Variants in TSPEAR observed in about 807,000 individuals in gnomAD.
TSPEAR encodes thrombospondin-type laminin G domain and EAR repeat-containing protein.
In TSPEAR, 69 loss-of-function variants were observed where a neutral mutation model predicts 71.6. That is an observed-to-expected ratio of 0.96 (90% CI 0.79 to 1.18). TSPEAR has a LOEUF of 1.18. TSPEAR is among the 50% of genes most tolerant of loss of function. The pLI, the probability that TSPEAR is intolerant of heterozygous loss-of-function variation, is 0.00. For missense variants in TSPEAR, 971 were observed against 894.9 expected, an observed-to-expected ratio of 1.09 and a Z score of -1.09; for synonymous variants, 402 against 387.2, an observed-to-expected ratio of 1.04 and a Z score of -0.45.
intron 8 of TSPEAR, among the ~76,000 whole-genome samples, chr21:44,524,415 T>C (rs78344721): frequency 0.02 from 3,055 of 151,846 alleles, 89 homozygotes; most frequent in African/African-American, 0.058. Context: ...AATTAGGTAG[T>C]CAGTCAGGCA....
intron 2 of TSPEAR, among the ~76,000 whole-genome samples, chr21:44,543,952 G>A (rs1042702516): frequency 2.6e-5 from 4 of 152,188 alleles, no homozygotes; most frequent in Non-Finnish European, 5.9e-5. Context: ...TCCAAAAGCA[G>A]TAAAGCAAGG....
rs1422071518 is a variant in TSPEAR at position 44,593,466 on chromosome 21, T to C, written c.83-25461A>G. Among the ~76,000 whole-genome samples the C allele has an allele frequency of 1.3e-5, 2 of 152,146 alleles. No homozygotes were observed. The highest frequency in any genetic ancestry group is 2.9e-5 in the Non-Finnish European group (2 of 68,038). ...AGAAGTTGATCTCACTGCAAACCCA[T>C]TGCCAGTGTAAACGAAACATAAAAT... On this transcript the variant is annotated intron_variant, in intron 1 of 11. Coordinates refer to ENST00000323084, the MANE Select transcript of TSPEAR (RefSeq NM_144991.3). This position sits in a 1 kb window ranked among gnomAD's most constrained non-coding sequence, Gnocchi z 5.9.
chr21:44,629,632 TC>T (rs1352279598), intron 1 of TSPEAR, among the ~76,000 whole-genome samples: 1 of 152,168 alleles, frequency 6.6e-6, no homozygotes, highest in Non-Finnish European at 1.5e-5. Flanking sequence ...GCCTCGAAGA[TC>T]CCCAGTGGGG....
chr21:44,604,112 G>A (rs117373347), intron 1 of TSPEAR, among the ~76,000 whole-genome samples: 2,233 of 152,312 alleles, frequency 0.015, 30 homozygotes, highest in Non-Finnish European at 0.019. Context: ...GGTTGTGGGA[G>A]CCCTGCTGCC....
rs1555916845 is a variant in TSPEAR, at chr21:44,539,495, G to A, written c.304-5572C>T. 1.9e-6 allele frequency: 3 copies of A among 1,613,772 alleles called. No individual in the cohort carries two copies. In the African/African-American group the frequency reaches 4.0e-5, roughly 22 times the overall value. On this transcript the variant is annotated intron_variant, in intron 2 of 11. Transcript: ENST00000323084. ...TCTGCAGCAGGAGGTGGTGCAGCAA[G>A]CCGGCTGGCAGCTAGACTGCTGGCA...
chr21:44,518,990 A>C, intron 9 of TSPEAR: 2 of 182,030 alleles, frequency 1.1e-5, no homozygotes, highest in Non-Finnish European at 2.3e-5. Context: ...TCCCCAAGCC[A>C]CCCTTTCGTT....
chr21:44,567,665 A>G (rs893150458), intron 2 of TSPEAR, 120 bp downstream of exon 2: 5 of 823,000 alleles, frequency 6.1e-6, no homozygotes, highest in Non-Finnish European at 8.8e-6. Flanking sequence ...TCTTGATCCC[A>G]GAGAAACCCA....
chr21:44,682,101 G>A lies in TSPEAR; in HGVS notation c.82+29332C>T, dbSNP rs782079441. 21 of 1,613,730 alleles carry A rather than the reference G, an allele frequency of 1.3e-5. No homozygotes were observed. In the East Asian group the frequency reaches 2.5e-4, roughly 19 times the overall value. Reference sequence around the variant, plus strand: ...CGCGCAGCAGGCTGGCTGGCAGCCCGAGGAGCAGCTGGTGTGGCACATGGT... The same window carrying A: ...CGCGCAGCAGGCTGGCTGGCAGCCCAAGGAGCAGCTGGTGTGGCACATGGT... On this transcript the variant is annotated intron_variant, in intron 1 of 11. Coordinates refer to ENST00000323084, the MANE Select transcript of TSPEAR (RefSeq NM_144991.3).
At chr21:44,688,213 G>A (rs896337358) in intron 1 of TSPEAR, among the ~76,000 whole-genome samples, 5 of 151,906 alleles carry the variant, frequency 3.3e-5, no homozygotes, top group Non-Finnish European at 5.9e-5. Flanking sequence ...AGAGAATTGG[G>A]GTACCCAGCA....
rs782304398 is a variant in TSPEAR, at chr21:44,558,100, G to A, written c.303+9685C>T. On this transcript the variant is annotated intron_variant, in intron 2 of 11. Coordinates refer to ENST00000323084, the MANE Select transcript of TSPEAR (RefSeq NM_144991.3). ...GAGAGGCCGCAGCACGCGGAAGAGAGGCGGGAGCACGTGGGGCGGCAGAGG... is the reference window on the plus strand; with the variant it reads ...GAGAGGCCGCAGCACGCGGAAGAGAAGCGGGAGCACGTGGGGCGGCAGAGG... 8 of 1,609,958 alleles carry A rather than the reference G, an allele frequency of 5.0e-6. No individual in the cohort carries two copies. The highest frequency in any genetic ancestry group is 2.2e-5 in the East Asian group (1 of 44,872).
At chr21:44,668,252 A>C (rs75948065) in intron 1 of TSPEAR, among the ~76,000 whole-genome samples, 2,225 of 152,342 alleles carry the variant, frequency 0.015, 51 homozygotes, top group African/African-American at 0.051. Flanking sequence ...TATTTCCATA[A>C]ACTAACAAGC....
At position 44,548,291 on chromosome 21, in the gene TSPEAR, G is replaced by A. The variant is rs587685202; in HGVS notation, c.304-14368C>T. On this transcript the variant is annotated intron_variant, in intron 2 of 11. Transcript: ENST00000323084. ...GCCTTCCTGACTGTCACCCAGCTGG[G>A]GAGTGGGGGATGGGGCAAGGGGGAG... Among the ~76,000 whole-genome samples, 45 of 152,352 alleles carry A rather than the reference G, an allele frequency of 3.0e-4. No homozygotes were observed. In the South Asian group the frequency reaches 8.9e-3, roughly 30 times the overall value.
rs57269663 is a variant in TSPEAR at position 44,600,533 on chromosome 21, C to T, written c.83-32528G>A. The T allele has an allele frequency of 0.021, 30,167 of 1,450,596 alleles. 3,258 individuals are homozygous for T. The African/African-American group carries it at 0.29, about 14-fold the overall frequency. 89.9% of individuals were successfully genotyped at this position (1,450,596 alleles called of 1,614,324 possible). A position where few individuals can be genotyped will look rare whatever the true frequency, so the allele number is the denominator to read the frequency against. ...ACAGACCAGGGAGACATATAAAAGC[C>T]AACATCCCTGAGCACCTAACACACG... On this transcript the variant is annotated intron_variant, in intron 1 of 11. Coordinates refer to ENST00000323084, the MANE Select transcript of TSPEAR (RefSeq NM_144991.3).
At chr21:44,658,162 G>A (rs1298678392) in intron 1 of TSPEAR, 2 of 1,613,970 alleles carry the variant, frequency 1.2e-6, no homozygotes, top group African/African-American at 2.7e-5. Flanking sequence ...TGAGCTGCAG[G>A]CCCATCATAT....
chr21:44,517,641 T>C, intron 9 of TSPEAR: 1 of 402,144 alleles, frequency 2.5e-6, no homozygotes, highest in Non-Finnish European at 5.1e-6. Context: ...TTGTCTGACT[T>C]GATATGAGAA....
At chr21:44,634,899 A>G (rs888844217) in intron 1 of TSPEAR, among the ~76,000 whole-genome samples, 6 of 152,216 alleles carry the variant, frequency 3.9e-5, no homozygotes, top group African/African-American at 1.4e-4. Context: ...GTACATTGCT[A>G]GTGAGAATAT....
At chr21:44,652,277 C>A (rs1420349926) in intron 1 of TSPEAR, among the ~76,000 whole-genome samples, 3 of 152,190 alleles carry the variant, frequency 2.0e-5, no homozygotes, top group African/African-American at 7.2e-5. Context: ...GCCACCGCAC[C>A]GGGCCCCATT....
chr21:44,623,246 C>G lies in TSPEAR; in HGVS notation c.83-55241G>C, dbSNP rs1982563678. Among the ~76,000 whole-genome samples the G allele has an allele frequency of 6.6e-6, 1 of 152,218 alleles. No homozygotes were observed. On this transcript the variant is annotated intron_variant, in intron 1 of 11. Transcript: ENST00000323084. This position sits in a 1 kb window ranked among gnomAD's most constrained non-coding sequence, Gnocchi z 4.5. ...GGGAGGCAAGATTCAACCCACTACACTCATCTACTTCCTCCTGAGTTGTAT... is the reference window on the plus strand; with the variant it reads ...GGGAGGCAAGATTCAACCCACTACAGTCATCTACTTCCTCCTGAGTTGTAT...
intron 9 of TSPEAR, chr21:44,515,460 T>TG (rs1348400654): frequency 6.6e-6 from 1 of 152,390 alleles, no homozygotes; most frequent in Non-Finnish European, 1.5e-5. Flanking sequence ...GCTGTGGTCC[T>TG]GCTCTAGCCC....
Sources: gnomAD v4.1 joint callset for allele counts (sites outside exome capture counted in the v4.1 genomes callset) on GRCh38, gnomAD v4.1.1 for gene constraint, Gnocchi (gnomAD v3.1) non-coding constraint, MANE v1.5 for transcripts, NCBI Gene and HGNC (gene_info 2026-07-23, HGNC 2026-07-21) for gene names.